PLCB1: variants seen among roughly 807,000 people sequenced by gnomAD.
PLCB1 encodes phospholipase C beta 1.
PLCB1 carries 46 observed loss-of-function variants against 161.8 expected under a neutral mutation model. The ratio of observed to expected loss-of-function variants is 0.28; its 90% confidence interval spans 0.22 to 0.36. The LOEUF (loss-of-function observed/expected upper bound fraction) is 0.36. Ranked by LOEUF, PLCB1 falls within the 10% of genes least tolerant of loss-of-function variation. PLCB1 has a pLI of 1.00. For missense variants in PLCB1, 1,016 were observed against 1,472.5 expected (o/e 0.69, Z 5.07); for synonymous variants, 517 against 503.7 (o/e 1.03, Z -0.35).
At chr20:8,285,132 T>C (rs980231765) in intron 2 of PLCB1, among the ~76,000 whole-genome samples, 1 of 151,876 alleles carries the variant, frequency 6.6e-6, no homozygotes, top group Non-Finnish European at 1.5e-5. Context: ...ATAGAGTTAT[T>C]GTTTCAAGGA....
intron 2 of PLCB1, among the ~76,000 whole-genome samples, chr20:8,185,846 A>G (rs6039079): frequency 0.22 from 33,801 of 151,968 alleles, 4,633 homozygotes; most frequent in African/African-American, 0.39. Context: ...GGTTAGCTAG[A>G]TTTTGCCGTC....
chr20:8,524,898 T>C (rs1984521047), intron 3 of PLCB1, among the ~76,000 whole-genome samples: 2 of 152,176 alleles, frequency 1.3e-5, no homozygotes, highest in African/African-American at 4.8e-5. Context: ...AGGGAGCGTC[T>C]GTGTACTGCC....
At chr20:8,527,204 A>G (rs1408748643) in intron 3 of PLCB1, among the ~76,000 whole-genome samples, 1 of 152,106 alleles carries the variant, frequency 6.6e-6, no homozygotes, top group African/African-American at 2.4e-5. Flanking sequence ...TTCTTGGATT[A>G]TTAAAAAGAT....
chr20:8,622,932 C>T (rs1001150877), intron 3 of PLCB1, among the ~76,000 whole-genome samples: 1 of 111,388 alleles, frequency 9.0e-6, no homozygotes, highest in Non-Finnish European at 2.0e-5. Flanking sequence ...TAGGTAATAG[C>T]AGCATTTTCC....
intron 3 of PLCB1, among the ~76,000 whole-genome samples, chr20:8,380,062 G>A (rs1480026376): frequency 6.6e-6 from 1 of 152,136 alleles, no homozygotes; most frequent in Non-Finnish European, 1.5e-5. Flanking sequence ...GAATGGCATT[G>A]CCTAGATTTT....
At chr20:8,298,481 A>C (rs1010322863) in intron 2 of PLCB1, among the ~76,000 whole-genome samples, 1 of 151,916 alleles carries the variant, frequency 6.6e-6, no homozygotes, top group Admixed American at 6.6e-5. Context: ...TATCTTGATA[A>C]TATTTCTAAT....
At chr20:8,257,014 A>G (rs1450736741) in intron 2 of PLCB1, 1 of 152,184 alleles carries the variant, frequency 6.6e-6, no homozygotes, top group Non-Finnish European at 1.5e-5. Context: ...GGGTAAATGG[A>G]ACTGTAAATC....
chr20:8,653,790 G>A (rs1411191696), intron 7 of PLCB1, among the ~76,000 whole-genome samples: 1 of 151,938 alleles, frequency 6.6e-6, no homozygotes, highest in East Asian at 1.9e-4. Flanking sequence ...TACAGTATAA[G>A]GTATAGAATT....
chr20:8,370,844 T>G (rs528116536), intron 2 of PLCB1, among the ~76,000 whole-genome samples: 1 of 152,280 alleles, frequency 6.6e-6, no homozygotes, highest in South Asian at 2.1e-4. Context: ...CTAGAGTAAC[T>G]TGTGTATTAC....
intron 2 of PLCB1, among the ~76,000 whole-genome samples, chr20:8,304,616 C>G (rs2662994): frequency 3.3e-5 from 5 of 151,402 alleles, no homozygotes; most frequent in Non-Finnish European, 7.4e-5. Context: ...TGAGCTTTTC[C>G]TATCTTCTTT....
chr20:8,549,695 A>G (rs1250219169), intron 3 of PLCB1, among the ~76,000 whole-genome samples: 1 of 152,060 alleles, frequency 6.6e-6, no homozygotes, highest in Non-Finnish European at 1.5e-5. Context: ...CCTGGGCTCA[A>G]GTGTAGCTGG....
At chr20:8,556,927 C>T (rs1375440731) in intron 3 of PLCB1, among the ~76,000 whole-genome samples, 3 of 149,716 alleles carry the variant, frequency 2.0e-5, no homozygotes, top group South Asian at 4.2e-4. Flanking sequence ...GAATCAAAAC[C>T]ACAATGAGAT....
chr20:8,650,283 G>T (rs374217072), intron 7 of PLCB1, among the ~76,000 whole-genome samples: 1 of 151,800 alleles, frequency 6.6e-6, no homozygotes, highest in Admixed American at 6.6e-5. Flanking sequence ...CAGGGGGAGC[G>T]GAAGCAGCTT....
intron 2 of PLCB1, among the ~76,000 whole-genome samples, chr20:8,247,458 T>G (rs375522169): frequency 6.6e-6 from 1 of 151,974 alleles, no homozygotes; most frequent in Admixed American, 6.6e-5. Flanking sequence ...GAAGGAGCTT[T>G]AGAAAACCAT....
chr20:8,161,769 G>T (rs1221906043), intron 2 of PLCB1, among the ~76,000 whole-genome samples: 1 of 151,624 alleles, frequency 6.6e-6, no homozygotes, highest in African/African-American at 2.4e-5. Context: ...CTGGGGTGTG[G>T]TCAGAACATT....
At chr20:8,540,115 A>T (rs1469188193) in intron 3 of PLCB1, among the ~76,000 whole-genome samples, 1 of 152,210 alleles carries the variant, frequency 6.6e-6, no homozygotes, top group Non-Finnish European at 1.5e-5. Context: ...ATTTTTCAAG[A>T]TGTTAAATGC....
At chr20:8,423,024 C>G (rs2122551827) in intron 3 of PLCB1, among the ~76,000 whole-genome samples, 1 of 152,328 alleles carries the variant, frequency 6.6e-6, no homozygotes, top group South Asian at 2.1e-4. Context: ...ACACTATATA[C>G]ATATTTATCA....
intron 2 of PLCB1, among the ~76,000 whole-genome samples, chr20:8,333,094 A>G (rs1304879382): frequency 1.3e-5 from 2 of 152,152 alleles, no homozygotes; most frequent in African/African-American, 2.4e-5. Context: ...TTCCAGGATG[A>G]CATGGTTACA....
chr20:8,227,617 C>A (rs752716623), intron 2 of PLCB1, among the ~76,000 whole-genome samples: 1 of 152,206 alleles, frequency 6.6e-6, no homozygotes, highest in Non-Finnish European at 1.5e-5. Context: ...TACCAACCCA[C>A]ACTTTTACAA....
Sources: allele counts gnomAD v4.1 joint callset (sites outside exome capture counted in the v4.1 genomes callset), GRCh38; gene constraint gnomAD v4.1.1; transcripts MANE v1.5; gene names NCBI Gene and HGNC (gene_info 2026-07-23, HGNC 2026-07-21).